Variants in MTARC2 observed in about 807,000 individuals in gnomAD.
MTARC2 encodes mitochondrial amidoxime reducing component 2.
A neutral mutation model predicts 35.6 loss-of-function variants in MTARC2; 27 were observed. That is an observed-to-expected ratio of 0.76 (90% CI 0.56 to 1.04). MTARC2 has a LOEUF of 1.04. MTARC2 is among the 50% of genes least tolerant of loss of function. The pLI is 0.00. For synonymous variants in MTARC2, 158 were observed against 167.1 expected, an observed-to-expected ratio of 0.95 and a Z score of 0.42; for missense variants, 412 against 432.5, an observed-to-expected ratio of 0.95 and a Z score of 0.42.
intron 2 of MTARC2, among the ~76,000 whole-genome samples, chr1:220,758,246 G>A (rs931981274): frequency 5.3e-5 from 8 of 151,966 alleles, no homozygotes; most frequent in Admixed American, 1.3e-4. Context: ...GCTTCCCAAA[G>A]TGCAGGGATT....
intron 2 of MTARC2, among the ~76,000 whole-genome samples, chr1:220,759,876 A>G (rs1671393216): frequency 6.6e-6 from 1 of 152,038 alleles, no homozygotes; most frequent in Admixed American, 6.6e-5. Context: ...AGGAGGTGAG[A>G]GGTTGGGAGT....
rs547730320 is a variant in MTARC2 at position 220,762,699 on chromosome 1, G to A, written c.610-211G>A. Among the ~76,000 whole-genome samples the A allele has an allele frequency of 5.9e-5, 9 of 152,282 alleles. No individual in the cohort carries two copies. In the East Asian group the frequency reaches 1.5e-3, roughly 26 times the overall value. On this transcript the variant is annotated intron_variant, in intron 3 of 7. Coordinates refer to ENST00000366913, the MANE Select transcript of MTARC2 (RefSeq NM_017898.5). ...TGGTGAGTGACATTGGCCCAGAGCC[G>A]GCCCTGGCTGCAGCCCTGTCCCTGT... is the stretch of plus-strand genomic sequence containing the variant.
intron 3 of MTARC2, 79 bp downstream of exon 3, chr1:220,761,899 C>T: frequency 7.3e-7 from 1 of 1,378,270 alleles, no homozygotes; most frequent in Admixed American, 2.2e-5. Context: ...GATAAAGAGC[C>T]TCTCTTGGGA....
chr1:220,759,531 C>T (rs910021860), intron 2 of MTARC2, among the ~76,000 whole-genome samples: 1 of 152,070 alleles, frequency 6.6e-6, no homozygotes, highest in African/African-American at 2.4e-5. Context: ...TTCCATTGCC[C>T]TGTTGGGGGC....
chr1:220,748,937 G>A (rs1482696146), intron 1 of MTARC2, 134 bp downstream of exon 1: 3 of 1,215,790 alleles, frequency 2.5e-6, no homozygotes, highest in Non-Finnish European at 2.1e-6. Flanking sequence ...CTGTTGGGCC[G>A]TTGGTCGTTT....
intron 1 of MTARC2, among the ~76,000 whole-genome samples, chr1:220,752,562 C>T (rs1421016988): frequency 6.6e-6 from 1 of 152,194 alleles, no homozygotes; most frequent in Non-Finnish European, 1.5e-5. Context: ...ACATCTTTGA[C>T]CAGGCAGGAT....
Position 220,784,254 on chromosome 1 carries a change from A to C in MTARC2, c.*367A>C, listed in dbSNP as rs1482710691. ...TTAATGAATCAACTAAAAAGCTGCA[A>C]AAATGTTTTTAAAATGTGTGCCTTT... On this transcript the variant is annotated 3_prime_UTR_variant, in exon 8 of 8. Transcript: ENST00000366913. 2 of 327,300 alleles carry C rather than the reference A, an allele frequency of 6.1e-6. No homozygotes were observed. The highest frequency in any genetic ancestry group is 1.1e-5 in the Non-Finnish European group (2 of 178,788). 20.3% of individuals were successfully genotyped at this position (327,300 alleles called of 1,614,324 possible).
In MTARC2 at chr1:220,769,330, C is replaced by T. The variant is rs369053174; in HGVS notation, c.750+6280C>T. Among the ~76,000 whole-genome samples the T allele has an allele frequency of 2.6e-5, 4 of 152,330 alleles. No individual in the cohort carries two copies. In the South Asian group the frequency reaches 6.2e-4, roughly 24 times the overall value. On this transcript the variant is annotated intron_variant, in intron 4 of 7. Coordinates refer to ENST00000366913, the MANE Select transcript of MTARC2 (RefSeq NM_017898.5). ...GTAAGCGAGACACCCCTGGAAAGCC[C>T]GCAGCTAGGGCGGCCAGCGGAAGGC...
At chr1:220,755,334 G>A (rs1671245915) in intron 2 of MTARC2, among the ~76,000 whole-genome samples, 1 of 152,170 alleles carries the variant, frequency 6.6e-6, no homozygotes, top group South Asian at 2.1e-4. Flanking sequence ...ATCAGGTATG[G>A]TTAGACACGC....
At chr1:220,766,159 A>C (rs1269718245) in intron 4 of MTARC2, among the ~76,000 whole-genome samples, 1 of 152,218 alleles carries the variant, frequency 6.6e-6, no homozygotes, top group East Asian at 1.9e-4. Flanking sequence ...GATTTTTCTA[A>C]GAATGAATCT....
At chr1:220,777,447 C>A (rs1318813671) in intron 4 of MTARC2, among the ~76,000 whole-genome samples, 4 of 152,212 alleles carry the variant, frequency 2.6e-5, no homozygotes, top group Non-Finnish European at 4.4e-5. Context: ...GTCCCTACCC[C>A]CTGCCCTGCT....
At chr1:220,777,899 G>T (rs1489935237) in intron 4 of MTARC2, among the ~76,000 whole-genome samples, 1 of 152,180 alleles carries the variant, frequency 6.6e-6, no homozygotes, top group Non-Finnish European at 1.5e-5. Flanking sequence ...GTATTGGTCT[G>T]TTCTCACATT....
intron 4 of MTARC2, among the ~76,000 whole-genome samples, chr1:220,768,277 T>C (rs1671640311): frequency 6.6e-6 from 1 of 152,144 alleles, no homozygotes; most frequent in Admixed American, 6.5e-5. Flanking sequence ...GAGTAAACTA[T>C]ATGTAGAAGG....
intron 4 of MTARC2, among the ~76,000 whole-genome samples, chr1:220,763,988 A>T (rs1005195057): frequency 6.6e-6 from 1 of 152,098 alleles, no homozygotes; most frequent in Non-Finnish European, 1.5e-5. Flanking sequence ...CAATTTAGAG[A>T]TCCCAAATAG....
chr1:220,753,096 C>T (rs1385866873), intron 1 of MTARC2, among the ~76,000 whole-genome samples: 48 of 145,688 alleles, frequency 3.3e-4, no homozygotes, highest in Admixed American at 2.7e-4. Flanking sequence ...GGCATGGTGG[C>T]GGGTGCCTGT....
chr1:220,778,544 T>G (rs1671981936), intron 4 of MTARC2, among the ~76,000 whole-genome samples: 1 of 152,178 alleles, frequency 6.6e-6, no homozygotes, highest in Non-Finnish European at 1.5e-5. Flanking sequence ...ATGATTGAAT[T>G]CTGTCCCGCC....
intron 1 of MTARC2, among the ~76,000 whole-genome samples, chr1:220,749,843 C>G (rs1280888085): frequency 1.3e-5 from 2 of 152,244 alleles, no homozygotes; most frequent in East Asian, 3.9e-4. Flanking sequence ...CACCTGCATC[C>G]CTGTGTTCAC....
intron 4 of MTARC2, among the ~76,000 whole-genome samples, chr1:220,777,869 T>C (rs1302327240): frequency 1.3e-5 from 2 of 152,298 alleles, no homozygotes; most frequent in South Asian, 4.1e-4. Context: ...GTCAAAAAGT[T>C]GTAATCTGTC....
At chr1:220,757,897 A>G (rs1215637587) in intron 2 of MTARC2, among the ~76,000 whole-genome samples, 1 of 152,228 alleles carries the variant, frequency 6.6e-6, no homozygotes, top group Non-Finnish European at 1.5e-5. Context: ...AACAACCTCA[A>G]GTTAGTAAAA....
Sources: allele counts gnomAD v4.1 joint callset (sites outside exome capture counted in the v4.1 genomes callset), GRCh38; gene constraint gnomAD v4.1.1; transcripts MANE v1.5; gene names NCBI Gene and HGNC (gene_info 2026-07-23, HGNC 2026-07-21).